The following LARS2 variants were observed in gnomAD, a reference collection of about 807,000 sequenced individuals.
LARS2 encodes the protein leucyl-tRNA synthetase 2, mitochondrial.
In LARS2, 81 loss-of-function variants were observed where a neutral mutation model predicts 116.6. The observed-to-expected ratio is 0.69, with a 90% confidence interval of 0.58 to 0.84. The LOEUF is 0.84. Among genes scored for constraint, LARS2 ranks in the 40% least tolerant of loss-of-function variants. LARS2 has a pLI of 0.00. For synonymous variants in LARS2, 396 were observed against 407.2 expected (o/e 0.97, Z 0.33); for missense variants, 968 against 1,114.5 (o/e 0.87, Z 1.87).
intron 7 of LARS2, among the ~76,000 whole-genome samples, chr3:45,458,129 G>A (rs1699244069): frequency 6.6e-6 from 1 of 152,020 alleles, no homozygotes; most frequent in African/African-American, 2.4e-5. Flanking sequence ...TTTTAAATAG[G>A]TACCATTTTT....
intron 5 of LARS2, among the ~76,000 whole-genome samples, chr3:45,419,162 A>T (rs973806012): frequency 1.3e-5 from 2 of 152,198 alleles, no homozygotes; most frequent in African/African-American, 2.4e-5. Context: ...AAGTTGGTTT[A>T]CCTGTTTATC....
At position 45,541,960 on chromosome 3, in the gene LARS2, A is replaced by G; in HGVS notation, c.2532+4A>G. ...GGTTGTCCAGATGGCAGTTCTGGTA[A>G]GTATCTCCCCTCAACCCCAGAACCC... is the stretch of plus-strand genomic sequence containing the variant. On this transcript the variant is annotated splice_donor_region_variant and intron_variant, in intron 21 of 21. Transcript: ENST00000645846. The G allele has an allele frequency of 6.2e-7, 1 of 1,614,124 alleles. No individual in the cohort carries two copies. The highest frequency in any genetic ancestry group is 8.5e-7 in the Non-Finnish European group (1 of 1,179,970).
chr3:45,424,485 A>G (rs1698561936), intron 6 of LARS2, among the ~76,000 whole-genome samples: 1 of 152,214 alleles, frequency 6.6e-6, no homozygotes, highest in African/African-American at 2.4e-5. Flanking sequence ...TACATCACGG[A>G]CTATCAGTAG....
At chr3:45,439,577 A>G (rs1698870899) in intron 6 of LARS2, among the ~76,000 whole-genome samples, 1 of 150,462 alleles carries the variant, frequency 6.6e-6, no homozygotes, top group Non-Finnish European at 1.5e-5. Context: ...AATGAAGTTT[A>G]TATATCTGTT....
At chr3:45,442,920 C>T (rs1698936703) in intron 6 of LARS2, among the ~76,000 whole-genome samples, 2 of 152,282 alleles carry the variant, frequency 1.3e-5, no homozygotes, top group East Asian at 3.9e-4. Context: ...TCCACCTTGG[C>T]GCTATTGATT....
chr3:45,485,612 C>G, intron 10 of LARS2, 80 bp from the exon 11 acceptor site: 2 of 763,852 alleles, frequency 2.6e-6, no homozygotes, highest in South Asian at 4.0e-5. Context: ...GCTTACTTTT[C>G]TCACTTGTTT....
Position 45,389,769 on chromosome 3 carries a change from C to G in LARS2, c.-88+1089C>G, listed in dbSNP as rs188863189. Among the ~76,000 whole-genome samples the G allele has an allele frequency of 4.0e-4, 61 of 152,296 alleles. 1 individual carries two copies. The Middle Eastern group carries it at 0.014, about 34-fold the overall frequency. ...TCATAAATATAAGACATGAGCCACA[C>G]CTTTCACATCGTCTTATTCTCACAG... On this transcript the variant is annotated intron_variant, in intron 1 of 21. Coordinates refer to ENST00000645846, the MANE Select transcript of LARS2 (RefSeq NM_015340.4).
intron 20 of LARS2, among the ~76,000 whole-genome samples, chr3:45,539,265 T>C (rs1445249089): frequency 6.6e-6 from 1 of 152,040 alleles, no homozygotes; most frequent in Non-Finnish European, 1.5e-5. Flanking sequence ...GACGAAAAAA[T>C]GTTAAATATT....
chr3:45,518,038 A>G lies in LARS2; in HGVS notation c.2180A>G (p.Lys727Arg), dbSNP rs778930555. 7.4e-6 allele frequency: 12 copies of G among 1,613,584 alleles called. No individual in the cohort carries two copies. The South Asian group carries it at 1.3e-4, about 18-fold the overall frequency. Residue 727 changes from lysine (K) to arginine (R), a missense_variant, in exon 18 of 22, where the codon AAG becomes AGG. Transcript: ENST00000645846. ...LSNKEKAEAR[K>R]LWEYKNSVIS... The stretch of plus-strand genomic sequence containing the variant: ...AACAAGGAGAAAGCTGAGGCCAGGA[A>G]GCTCTGGGAGTACAAGAACTCCGTC...
At chr3:45,467,132 T>G (rs896332417) in intron 8 of LARS2, among the ~76,000 whole-genome samples, 5 of 152,188 alleles carry the variant, frequency 3.3e-5, no homozygotes, top group African/African-American at 1.2e-4. Context: ...TGACTCATTG[T>G]CCTCTCTGTC....
chr3:45,396,499 G>A (rs1192575870), intron 3 of LARS2, among the ~76,000 whole-genome samples: 1 of 152,220 alleles, frequency 6.6e-6, no homozygotes, highest in African/African-American at 2.4e-5. Context: ...TGTCTATCAG[G>A]ACCTGAGACT....
intron 6 of LARS2, among the ~76,000 whole-genome samples, chr3:45,430,575 C>G (rs1305172517): frequency 1.4e-5 from 2 of 140,354 alleles, no homozygotes; most frequent in South Asian, 4.7e-4. Context: ...CCACTGCGCC[C>G]GGCCAATCTT....
In LARS2 at chr3:45,458,861, T is replaced by A; in HGVS notation, c.725T>A (p.Phe242Tyr). The change falls in exon 8 of 22, where the codon TTT becomes TAT. Residue 242 changes from phenylalanine to tyrosine, a missense_variant. Physicochemically the swap from Phe to Tyr is conservative, Grantham distance 22 (BLOSUM62 3). Transcript: ENST00000645846. ...KVEQKYLRQWFIKTTAYAKAM... is the reference protein window; with the variant it reads ...KVEQKYLRQWYIKTTAYAKAM... ...GAACAGAAGTACCTCAGACAATGGT[T>A]TATTAAGACAACCGCTTATGCAAAG... 1.2e-6 allele frequency: 2 copies of A among 1,613,976 alleles called. No individual in the cohort carries two copies. The highest frequency in any genetic ancestry group is 8.5e-7 in the Non-Finnish European group (1 of 1,179,906).
intron 13 of LARS2, among the ~76,000 whole-genome samples, chr3:45,492,794 A>G (rs1699946277): frequency 6.6e-6 from 1 of 152,204 alleles, no homozygotes; most frequent in Non-Finnish European, 1.5e-5. Context: ...ATGGCCATCC[A>G]GCCAGGGACT....
intron 12 of LARS2, among the ~76,000 whole-genome samples, chr3:45,489,268 A>G (rs1262448535): frequency 3.3e-5 from 5 of 152,204 alleles, no homozygotes; most frequent in South Asian, 2.1e-4. Flanking sequence ...AGCAGCACTT[A>G]AAGATGGTAC....
intron 21 of LARS2, among the ~76,000 whole-genome samples, chr3:45,546,224 G>C (rs1009200815): frequency 2.0e-5 from 3 of 152,200 alleles, no homozygotes; most frequent in Admixed American, 2.0e-4. Context: ...TGACAGTTGG[G>C]AGGTCTCTTC....
intron 20 of LARS2, 121 bp downstream of exon 20, chr3:45,524,229 A>G (rs1700502284): frequency 3.1e-6 from 2 of 653,102 alleles, no homozygotes; most frequent in African/African-American, 1.8e-5. Context: ...TGGCATCTAT[A>G]CTCAGCAACC....
At chr3:45,491,085 T>G (rs1699906548) in intron 12 of LARS2, among the ~76,000 whole-genome samples, 1 of 152,186 alleles carries the variant, frequency 6.6e-6, no homozygotes, top group Non-Finnish European at 1.5e-5. Flanking sequence ...TACTGGCAGC[T>G]AAAAGCTGAT....
intron 20 of LARS2, among the ~76,000 whole-genome samples, chr3:45,531,336 TTCTTA>T (rs1450311821): frequency 6.6e-6 from 1 of 152,160 alleles, no homozygotes; most frequent in Admixed American, 6.5e-5. Context: ...ACTCATTATT[TTCTTA>T]GTATAATTGA....
Sources: gnomAD v4.1 joint callset for allele counts (sites outside exome capture counted in the v4.1 genomes callset) on GRCh38, gnomAD v4.1.1 for gene constraint, MANE v1.5 for transcripts, NCBI Gene and HGNC (gene_info 2026-07-23, HGNC 2026-07-21) for gene names.